KIF6: variants seen among roughly 807,000 people sequenced by gnomAD.
The protein encoded by KIF6 is kinesin family member 6.
A neutral mutation model predicts 112.7 loss-of-function variants in KIF6; 106 were observed. The ratio of observed to expected loss-of-function variants is 0.94; its 90% CI spans 0.80 to 1.11. The LOEUF (loss-of-function observed/expected upper bound fraction) is 1.11. KIF6 is among the 50% of genes least tolerant of loss of function. KIF6 has a pLI of 0.00. For synonymous variants in KIF6, 339 were observed against 339.9 expected, an observed-to-expected ratio of 1.00 and a Z score of 0.03; for missense variants, 929 against 964.0, an observed-to-expected ratio of 0.96 and a Z score of 0.48.
At chr6:39,443,330 T>C (rs1249031129) in intron 13 of KIF6, among the ~76,000 whole-genome samples, 1 of 151,906 alleles carries the variant, frequency 6.6e-6, no homozygotes, top group African/African-American at 2.4e-5. Context: ...GAGGCAGTGG[T>C]TAAAGCATTG....
At chr6:39,392,100 G>A (rs1767944007) in intron 15 of KIF6, among the ~76,000 whole-genome samples, 1 of 152,082 alleles carries the variant, frequency 6.6e-6, no homozygotes, top group African/African-American at 2.4e-5. Flanking sequence ...CTTACAATTT[G>A]TATTAAAGTT....
At chr6:39,523,550 G>A (rs1777515370) in intron 13 of KIF6, among the ~76,000 whole-genome samples, 1 of 149,424 alleles carries the variant, frequency 6.7e-6, no homozygotes, top group South Asian at 2.2e-4. Flanking sequence ...CAACATCACA[G>A]ACCCTCTGTG....
rs1174455706 is a variant in KIF6, at chr6:39,412,483, T to C, written c.1810+7465A>G. On this transcript the variant is annotated intron_variant, in intron 15 of 22. Transcript: ENST00000287152. ...TGTTCTTTCACGTGATCAAATACAT[T>C]TTCAATACAATTGCAAATTATTTCT... Among the ~76,000 whole-genome samples, 4 of 152,356 alleles carry C rather than the reference T, an allele frequency of 2.6e-5. No individual in the cohort carries two copies. In the East Asian group the frequency reaches 7.7e-4, roughly 29 times the overall value.
chr6:39,386,276 A>G (rs559478884), intron 15 of KIF6, among the ~76,000 whole-genome samples: 24 of 152,136 alleles, frequency 1.6e-4, no homozygotes, highest in Non-Finnish European at 2.9e-4. Flanking sequence ...TTGTTCTGGG[A>G]GTTACTCTTC....
chr6:39,390,824 C>G (rs147330369), intron 15 of KIF6, among the ~76,000 whole-genome samples: 3 of 152,226 alleles, frequency 2.0e-5, no homozygotes, highest in Non-Finnish European at 4.4e-5. Flanking sequence ...TTTCAGCTGT[C>G]ATGTGAGAAG....
At position 39,343,732 on chromosome 6, in the gene KIF6, C is replaced by T. The variant is rs570707955; in HGVS notation, c.2405G>A (p.Arg802Lys). Residue 802 changes from arginine to lysine, a missense_variant, in exon 22 of 23, where the codon AGA (arginine) becomes AAA (lysine). Physicochemically the swap from Arg to Lys is conservative, Grantham distance 26 (BLOSUM62 2). Around this residue, in one of 2 missense-constraint regions of KIF6, gnomAD observed 241 missense variants for 301.4 expected, o/e 0.80. Transcript: ENST00000287152. The surrounding 1 kb of genome is among the most constrained non-coding windows in gnomAD (Gnocchi z 4.1). The part of the protein sequence containing the change: ...DSDIIAFIKA[R>K]QSILQKQCLG... ...ACATTGCTTCTGCAGAATGCTCTGTCTGGCCTTGATGAAGGCGATGATGTC... is the reference window on the plus strand; with the variant it reads ...ACATTGCTTCTGCAGAATGCTCTGTTTGGCCTTGATGAAGGCGATGATGTC... 2 of 1,612,206 alleles carry T rather than the reference C, an allele frequency of 1.2e-6. No individual in the cohort carries two copies. The highest frequency in any genetic ancestry group is 4.5e-5 in the East Asian group (2 of 44,858).
intron 20 of KIF6, among the ~76,000 whole-genome samples, chr6:39,346,132 C>CCCCTCTCTCTCT (rs1554196915): frequency 7.4e-5 from 2 of 26,916 alleles, no homozygotes; most frequent in African/African-American, 3.0e-4. Flanking sequence ...CCTCCCTCTC[C>CCCCTCTCTCTCT]CTCTCTCTCT....
At chr6:39,716,442 A>G (rs1242626114) in intron 2 of KIF6, among the ~76,000 whole-genome samples, 1 of 152,224 alleles carries the variant, frequency 6.6e-6, no homozygotes, top group Non-Finnish European at 1.5e-5. Flanking sequence ...AGTTTACAAT[A>G]AACCATTAAC....
At chr6:39,361,558 C>CAAAAA (rs1242586612) in intron 17 of KIF6, among the ~76,000 whole-genome samples, 2 of 44,674 alleles carry the variant, frequency 4.5e-5, no homozygotes, top group Non-Finnish European at 9.3e-5. Context: ...GGCTCCATCT[C>CAAAAA]AAAAAAAAAA....
intron 6 of KIF6, among the ~76,000 whole-genome samples, chr6:39,602,303 C>T (rs1182411863): frequency 2.6e-5 from 4 of 152,110 alleles, no homozygotes; most frequent in Non-Finnish European, 5.9e-5. Flanking sequence ...GGACTCCTTA[C>T]AGAGTCATCA....
chr6:39,353,885 T>C, intron 19 of KIF6: 1 of 561,434 alleles, frequency 1.8e-6, no homozygotes, highest in East Asian at 6.2e-5. Context: ...TGTGTGCCAG[T>C]TCCTACTGCT....
At chr6:39,581,161 CTTTTTTT>C (rs60321520) in intron 9 of KIF6, among the ~76,000 whole-genome samples, 21 of 78,706 alleles carry the variant, frequency 2.7e-4, no homozygotes, top group African/African-American at 7.3e-4. Flanking sequence ...GCTTTACTTT[CTTTTTTT>C]TTTTTTTTTT....
At chr6:39,527,737 G>C (rs1421819556) in intron 13 of KIF6, among the ~76,000 whole-genome samples, 1 of 152,094 alleles carries the variant, frequency 6.6e-6, no homozygotes, top group African/African-American at 2.4e-5. Flanking sequence ...CACCTCCAAA[G>C]CTCTGGCTAA....
At chr6:39,451,742 T>C (rs1772713345) in intron 13 of KIF6, among the ~76,000 whole-genome samples, 1 of 152,174 alleles carries the variant, frequency 6.6e-6, no homozygotes, top group Non-Finnish European at 1.5e-5. Context: ...ATGGTCAGGC[T>C]GTGAAATGCA....
intron 13 of KIF6, among the ~76,000 whole-genome samples, chr6:39,439,365 A>G (rs553422795): frequency 3.9e-5 from 6 of 152,310 alleles, no homozygotes; most frequent in African/African-American, 1.2e-4. Flanking sequence ...GTGAATTTTA[A>G]TCACAGGTTC....
rs557710331 is a variant in KIF6, at chr6:39,400,751, C to T, written c.1811-15079G>A. 1.1e-4 allele frequency among the ~76,000 whole-genome samples: 17 copies of T among 152,286 alleles called. No individual in the cohort carries two copies. The East Asian group carries it at 1.5e-3, about 14-fold the overall frequency. ...GGAAACAGATCTGACCCCTTCTCCA[C>T]GGTGATATTTGTAATCTTTTCTCTT... On this transcript the variant is annotated intron_variant, in intron 15 of 22. Transcript: ENST00000287152.
At chr6:39,547,466 T>A (rs186508711) in intron 10 of KIF6, among the ~76,000 whole-genome samples, 1 of 152,184 alleles carries the variant, frequency 6.6e-6, no homozygotes, top group African/African-American at 2.4e-5. Flanking sequence ...TAAATTATTA[T>A]GAAAACACAT....
intron 11 of KIF6, among the ~76,000 whole-genome samples, chr6:39,545,198 C>G (rs1479381776): frequency 6.6e-6 from 1 of 152,120 alleles, no homozygotes; most frequent in African/African-American, 2.4e-5. Flanking sequence ...ATATTCCCAG[C>G]CCCTTGTCAT....
intron 13 of KIF6, among the ~76,000 whole-genome samples, chr6:39,460,525 A>C (rs1300215773): frequency 5.7e-5 from 8 of 140,598 alleles, no homozygotes; most frequent in African/African-American, 2.1e-4. Flanking sequence ...AAAGTATAAT[A>C]AAAAAAAAAG....
Sources: allele counts gnomAD v4.1 joint callset (sites outside exome capture counted in the v4.1 genomes callset), GRCh38; gene constraint gnomAD v4.1.1; regional missense constraint gnomAD v4.1.1; non-coding constraint Gnocchi (gnomAD v3.1); transcripts MANE v1.5; gene names NCBI Gene and HGNC (gene_info 2026-07-23, HGNC 2026-07-21).